Variants in CACNA2D3 observed in about 807,000 individuals in gnomAD.
CACNA2D3 encodes calcium voltage-gated channel auxiliary subunit alpha2delta 3.
CACNA2D3 carries 60 observed loss-of-function variants against 160.6 expected under a neutral mutation model. The observed-to-expected ratio is 0.37, with a 90% CI of 0.30 to 0.46. The LOEUF is 0.46. Ranked by LOEUF, CACNA2D3 falls within the 20% of genes least tolerant of loss-of-function variation. CACNA2D3 has a pLI of 1.00. For synonymous variants in CACNA2D3, 558 were observed against 492.9 expected (o/e 1.13, Z -1.75); for missense variants, 1,205 against 1,365.0 (o/e 0.88, Z 1.85).
At chr3:55,065,169 CT>C (rs1234719968) in intron 35 of CACNA2D3, among the ~76,000 whole-genome samples, 3 of 152,158 alleles carry the variant, frequency 2.0e-5, no homozygotes, top group Admixed American at 1.3e-4. Flanking sequence ...TGTCCAGTGT[CT>C]TTTAGGCACC....
At chr3:54,255,820 C>T (rs1702282020) in intron 2 of CACNA2D3, among the ~76,000 whole-genome samples, 1 of 152,160 alleles carries the variant, frequency 6.6e-6, no homozygotes, top group South Asian at 2.1e-4. Context: ...CTCAAATCAT[C>T]TCAAATGTCT....
chr3:54,917,042 C>T (rs571963596), intron 27 of CACNA2D3, among the ~76,000 whole-genome samples: 1 of 152,322 alleles, frequency 6.6e-6, no homozygotes, highest in Non-Finnish European at 1.5e-5. Flanking sequence ...CATAACTTCT[C>T]TGTCCTCTCT....
At chr3:54,936,333 TC>T (rs1172127444) in intron 27 of CACNA2D3, among the ~76,000 whole-genome samples, 2 of 152,132 alleles carry the variant, frequency 1.3e-5, no homozygotes, top group Non-Finnish European at 2.9e-5. Flanking sequence ...TGGACAGAGC[TC>T]CCCATCTTTT....
chr3:54,458,385 G>T (rs9846363), intron 4 of CACNA2D3, among the ~76,000 whole-genome samples: 5,313 of 151,272 alleles, frequency 0.035, 332 homozygotes, highest in African/African-American at 0.12. Flanking sequence ...GTTTTTGGTT[G>T]TCTGAGAAAA....
At chr3:55,040,205 C>T (rs1559471292) in intron 35 of CACNA2D3, among the ~76,000 whole-genome samples, 1 of 152,046 alleles carries the variant, frequency 6.6e-6, no homozygotes, top group African/African-American at 2.4e-5. Context: ...CCCTTATGAC[C>T]TCATCTAAAG....
intron 11 of CACNA2D3, among the ~76,000 whole-genome samples, chr3:54,736,024 CATATATATATGTATATAT>C (rs1559563489): frequency 6.3e-4 from 41 of 65,152 alleles, no homozygotes; most frequent in Non-Finnish European, 9.5e-4. Context: ...TATACACATA[CATATATATATGTATATAT>C]ATACACATAC....
At chr3:54,249,588 C>CACACACACACACACACACACACACACACA (rs58638743) in intron 2 of CACNA2D3, among the ~76,000 whole-genome samples, 2 of 147,480 alleles carry the variant, frequency 1.4e-5, no homozygotes, top group African/African-American at 5.1e-5. Context: ...CACACACACA[C>CACACACACACACACACACACACACACACA]CAGGCTACAT....
intron 4 of CACNA2D3, among the ~76,000 whole-genome samples, chr3:54,417,029 A>T (rs995517697): frequency 6.6e-6 from 1 of 152,172 alleles, no homozygotes; most frequent in Non-Finnish European, 1.5e-5. Flanking sequence ...CAGTCTCTTA[A>T]AAAATACAGG....
At chr3:54,285,135 G>C (rs1254666295) in intron 2 of CACNA2D3, among the ~76,000 whole-genome samples, 1 of 152,194 alleles carries the variant, frequency 6.6e-6, no homozygotes, top group Non-Finnish European at 1.5e-5. Flanking sequence ...ACGAGGCATT[G>C]TCTCACTCGG....
At chr3:54,369,501 C>T (rs946628928) in intron 3 of CACNA2D3, among the ~76,000 whole-genome samples, 10 of 152,166 alleles carry the variant, frequency 6.6e-5, no homozygotes, top group Non-Finnish European at 1.5e-4. Context: ...CCCACTGGAC[C>T]CCAGCCTCTG....
intron 5 of CACNA2D3, among the ~76,000 whole-genome samples, chr3:54,554,032 A>G (rs1036524809): frequency 1.3e-5 from 2 of 152,072 alleles, no homozygotes; most frequent in African/African-American, 4.8e-5. Flanking sequence ...CTCATCTAGT[A>G]CCTCTCGCCA....
chr3:54,837,347 C>T, intron 15 of CACNA2D3, 117 bp downstream of exon 15: 1 of 810,376 alleles, frequency 1.2e-6, no homozygotes, highest in Admixed American at 2.1e-5. Flanking sequence ...GTCATTTTTC[C>T]TTATTGTTTG....
chr3:54,547,350 C>T (rs1258555878), intron 5 of CACNA2D3, among the ~76,000 whole-genome samples: 4 of 152,130 alleles, frequency 2.6e-5, no homozygotes, highest in African/African-American at 7.2e-5. Context: ...AGAACCCAGG[C>T]CCCTGGCACC....
intron 21 of CACNA2D3, among the ~76,000 whole-genome samples, chr3:54,883,799 A>ATCTCTCTCTCTCTCTCTCTCTTTCTC (rs1699857963): frequency 9.3e-6 from 1 of 107,422 alleles, no homozygotes; most frequent in East Asian, 3.5e-4. Context: ...TTACAATGGA[A>ATCTCTCTCTCTCTCTCTCTCTTTCTC]TCTCTCTCTC....
intron 11 of CACNA2D3, among the ~76,000 whole-genome samples, chr3:54,747,323 C>T (rs1039388169): frequency 2.0e-5 from 3 of 152,156 alleles, no homozygotes; most frequent in African/African-American, 7.2e-5. Context: ...AGGACTCTCA[C>T]TGCCCTGGCC....
chr3:54,520,104 C>G (rs1248285093), intron 5 of CACNA2D3, among the ~76,000 whole-genome samples: 1 of 152,204 alleles, frequency 6.6e-6, no homozygotes, highest in Non-Finnish European at 1.5e-5. Context: ...AGTTAACTTC[C>G]TAGTGGTTCC....
At chr3:54,366,935 TG>T (rs1559462104) in intron 3 of CACNA2D3, among the ~76,000 whole-genome samples, 1 of 152,094 alleles carries the variant, frequency 6.6e-6, no homozygotes, top group Non-Finnish European at 1.5e-5. Flanking sequence ...ATGGGAAGGG[TG>T]TTCCAAATTC....
At chr3:54,491,956 C>T (rs979454522) in intron 4 of CACNA2D3, among the ~76,000 whole-genome samples, 11 of 152,172 alleles carry the variant, frequency 7.2e-5, no homozygotes, top group South Asian at 4.1e-4. Flanking sequence ...TTTCTCAACA[C>T]GCACAGGCAG....
chr3:54,174,768 A>G (rs984580256), intron 2 of CACNA2D3, among the ~76,000 whole-genome samples: 1 of 152,058 alleles, frequency 6.6e-6, no homozygotes, highest in South Asian at 2.1e-4. Context: ...CTTGTGATCC[A>G]CCCGCCTTGG....
Sources: gnomAD v4.1 joint callset for allele counts (sites outside exome capture counted in the v4.1 genomes callset) on GRCh38, gnomAD v4.1.1 for gene constraint, MANE v1.5 for transcripts, NCBI Gene and HGNC (gene_info 2026-07-23, HGNC 2026-07-21) for gene names.